The following MTDH variants were observed in gnomAD, a reference collection of about 807,000 sequenced individuals.
MTDH encodes the protein protein LYRIC.
MTDH carries 34 observed loss-of-function variants against 72.7 expected under a neutral mutation model. The ratio of observed to expected loss-of-function variants is 0.47; its 90% CI spans 0.36 to 0.62. MTDH has a LOEUF of 0.62. MTDH is among the 20% of genes least tolerant of loss of function. MTDH has a pLI of 0.00. For synonymous variants in MTDH, 266 were observed against 268.9 expected (o/e 0.99, Z 0.10); for missense variants, 677 against 699.4 (o/e 0.97, Z 0.36).
chr8:97,718,125 C>T (rs1814949875), intron 9 of MTDH, among the ~76,000 whole-genome samples: 2 of 152,094 alleles, frequency 1.3e-5, no homozygotes, highest in Non-Finnish European at 2.9e-5. Context: ...GATCTGCAAC[C>T]TCCGCCTTCC....
chr8:97,689,751 A>C (rs1813510062), intron 5 of MTDH, among the ~76,000 whole-genome samples: 5 of 140,094 alleles, frequency 3.6e-5, no homozygotes. Context: ...CTTGTTGCCC[A>C]GGCTGGAGTG....
In MTDH at chr8:97,699,805, A is replaced by G; in HGVS notation, c.1100A>G (p.Asp367Gly). The change falls in exon 7 of 12, where the codon GAT becomes GGT. Residue 367 changes from aspartate (D) to glycine (G), a missense_variant. This residue lies in a region of MTDH where 467 missense variants were observed against 469.1 expected (regional missense o/e 1.00). Coordinates refer to ENST00000336273, the MANE Select transcript of MTDH (RefSeq NM_178812.4). ...TCTACCACTTCTGATTATCAGTGGG[A>G]TGTTAGCCGTAATCAACCCTATATC... Reference protein sequence around the residue: ...SQSTTSDYQWDVSRNQPYIDD... With the variant: ...SQSTTSDYQWGVSRNQPYIDD... 6.2e-7 allele frequency: 1 copy of G among 1,613,476 alleles called. No individual in the cohort carries two copies. Among genetic ancestry groups the G allele is most frequent in the Non-Finnish European group, 8.5e-7 (1 of 1,179,582 alleles).
intron 11 of MTDH, among the ~76,000 whole-genome samples, chr8:97,724,082 C>G (rs1006760177): frequency 6.6e-6 from 1 of 152,206 alleles, no homozygotes; most frequent in African/African-American, 2.4e-5. Flanking sequence ...GCACTCCAGC[C>G]TGGGTGACAG....
At chr8:97,721,040 T>A (rs1815100144) in intron 10 of MTDH, among the ~76,000 whole-genome samples, 1 of 151,964 alleles carries the variant, frequency 6.6e-6, no homozygotes, top group Non-Finnish European at 1.5e-5. Flanking sequence ...TGTAGATAAG[T>A]GAGAGAACAA....
chr8:97,711,009 A>AATAG (rs200340295), intron 8 of MTDH, among the ~76,000 whole-genome samples: 12 of 149,924 alleles, frequency 8.0e-5, no homozygotes, highest in African/African-American at 3.1e-4. Flanking sequence ...CAAAAAAATA[A>AATAG]ATAGATAGAT....
intron 5 of MTDH, 122 bp from the exon 6 acceptor site, chr8:97,690,830 A>T (rs1361358661): frequency 1.4e-6 from 1 of 694,034 alleles, no homozygotes; most frequent in Non-Finnish European, 2.3e-6. Context: ...ATCCTTGGTG[A>T]TCAAAGGATA....
Position 97,699,778 on chromosome 8 carries a change from A to G in MTDH, c.1073A>G (p.Gln358Arg). 1 of 1,612,670 alleles carries G rather than the reference A, an allele frequency of 6.2e-7. No individual in the cohort carries two copies. Among genetic ancestry groups the G allele is most frequent in the Non-Finnish European group, 8.5e-7 (1 of 1,178,934 alleles). The change falls in exon 7 of 12, where the codon CAG becomes CGG. Residue 358 changes from glutamine to arginine, a missense_variant. Coordinates refer to ENST00000336273, the MANE Select transcript of MTDH (RefSeq NM_178812.4). ...GIGSTAEPVS[Q>R]STTSDYQWDV... ...GGGTCTACTGCTGAGCCAGTTTCTC[A>G]GTCTACCACTTCTGATTATCAGTGG... is the stretch of plus-strand genomic sequence containing the variant.
At chr8:97,705,187 C>T (rs547569910) in intron 7 of MTDH, among the ~76,000 whole-genome samples, 3 of 151,358 alleles carry the variant, frequency 2.0e-5, no homozygotes, top group African/African-American at 7.3e-5. Flanking sequence ...ATCCCAGCTA[C>T]TTGGGAGGCT....
At chr8:97,655,574 C>T (rs1276530277) in intron 1 of MTDH, among the ~76,000 whole-genome samples, 2 of 152,184 alleles carry the variant, frequency 1.3e-5, no homozygotes, top group East Asian at 3.8e-4. Context: ...ACTTAACATT[C>T]ATCTGAGCTT....
chr8:97,694,224 T>A (rs1360916720), intron 6 of MTDH, among the ~76,000 whole-genome samples: 1 of 151,062 alleles, frequency 6.6e-6, no homozygotes, highest in African/African-American at 2.4e-5. Context: ...TGAGATGGAG[T>A]TTTGCCCTTG....
intron 2 of MTDH, among the ~76,000 whole-genome samples, chr8:97,677,799 T>G (rs1812916213): frequency 6.6e-6 from 1 of 152,164 alleles, no homozygotes; most frequent in African/African-American, 2.4e-5. Context: ...GCATTTCTAG[T>G]TTTTTTGGAG....
chr8:97,702,765 G>C (rs1003133950), intron 7 of MTDH, among the ~76,000 whole-genome samples: 5 of 152,076 alleles, frequency 3.3e-5, no homozygotes, highest in African/African-American at 1.2e-4. Flanking sequence ...TTACCCTTTT[G>C]AAAAGAAAAC....
chr8:97,671,444 AT>A (rs199892237), intron 2 of MTDH, among the ~76,000 whole-genome samples: 11 of 151,672 alleles, frequency 7.3e-5, no homozygotes, highest in African/African-American at 2.2e-4. Flanking sequence ...GTTCTCGCAA[AT>A]TTTTTTTTGT....
intron 6 of MTDH, 21 bp downstream of exon 6, chr8:97,691,209 T>A: frequency 6.7e-7 from 1 of 1,488,152 alleles, no homozygotes; most frequent in Non-Finnish European, 9.0e-7. Context: ...TTAGAAAAAT[T>A]TAACTTTATT....
At chr8:97,695,510 T>A (rs571395062) in intron 6 of MTDH, among the ~76,000 whole-genome samples, 1 of 152,180 alleles carries the variant, frequency 6.6e-6, no homozygotes, top group Non-Finnish European at 1.5e-5. Context: ...AACAGCAAAT[T>A]AGAGTTCCTG....
chr8:97,721,670 C>A (rs970349526), intron 10 of MTDH, among the ~76,000 whole-genome samples: 1 of 152,188 alleles, frequency 6.6e-6, no homozygotes, highest in African/African-American at 2.4e-5. Flanking sequence ...TCATCTCTCA[C>A]AACCCGAAGG....
chr8:97,672,689 C>T (rs1330744596), intron 2 of MTDH, among the ~76,000 whole-genome samples: 14 of 152,092 alleles, frequency 9.2e-5, no homozygotes, highest in African/African-American at 4.8e-5. Context: ...GATTGAAAAA[C>T]GGTGAAATGG....
In MTDH at chr8:97,644,787, C is replaced by T; in HGVS notation, c.281C>T (p.Ala94Val). ...SPPRKREEAA[A>V]VPAAAPDDLA... ...CCCCGCAAGCGGGAGGAGGCGGCGG[C>T]CGTGCCGGCCGCGGCCCCCGACGAC... The change falls in exon 1 of 12, where the codon GCC becomes GTC. Residue 94 changes from alanine to valine, a missense_variant. By Grantham distance (64) the Ala-to-Val change is moderately conservative. Around this residue, in one of 3 missense-constraint regions of MTDH, gnomAD observed 467 missense variants for 469.1 expected, o/e 1.00. Transcript: ENST00000336273. 1 of 1,547,522 alleles carries T rather than the reference C, an allele frequency of 6.5e-7. No individual in the cohort carries two copies. Among genetic ancestry groups the T allele is most frequent in the Non-Finnish European group, 8.6e-7 (1 of 1,157,254 alleles).
rs1297481614 is a variant in MTDH at position 97,644,267 on chromosome 8, C to G, written c.-240C>G. On this transcript the variant is annotated 5_prime_UTR_variant, in exon 1 of 12. Coordinates refer to ENST00000336273, the MANE Select transcript of MTDH (RefSeq NM_178812.4). ...CGCTTAGCGGCCGCCACTGGAGACA[C>G]TCCCTCCCGCCTCCCGGGTCTCCTG... 3.7e-6 allele frequency: 2 copies of G among 540,822 alleles called. No homozygotes were observed. The highest frequency in any genetic ancestry group is 6.3e-6 in the Non-Finnish European group (2 of 317,078). 33.5% of individuals were successfully genotyped at this position (540,822 alleles called of 1,614,324 possible).
Sources: gnomAD v4.1 joint callset for allele counts (sites outside exome capture counted in the v4.1 genomes callset) on GRCh38, gnomAD v4.1.1 for gene constraint, gnomAD v4.1.1 regional missense constraint, MANE v1.5 for transcripts, NCBI Gene and HGNC (gene_info 2026-07-23, HGNC 2026-07-21) for gene names.